The following CCDC18 variants were observed in gnomAD, a reference collection of about 807,000 sequenced individuals.
CCDC18 encodes the protein coiled-coil domain-containing protein 18.
In CCDC18, 157 loss-of-function variants were observed where a neutral mutation model predicts 196.0. The observed-to-expected ratio is 0.80, with a 90% CI of 0.70 to 0.91. The LOEUF (loss-of-function observed/expected upper bound fraction) is 0.91. CCDC18 is among the 40% of genes least tolerant of loss of function. The pLI is 0.00. For missense variants in CCDC18, 1,465 were observed against 1,611.6 expected, an observed-to-expected ratio of 0.91 and a Z score of 1.56; for synonymous variants, 482 against 529.2, an observed-to-expected ratio of 0.91 and a Z score of 1.22.
In CCDC18 at chr1:93,278,705, T is replaced by A. The variant is rs1052491018; in HGVS notation, c.*228T>A. The A allele has an allele frequency of 2.1e-5, 7 of 334,628 alleles. No individual in the cohort carries two copies. Among genetic ancestry groups the A allele is most frequent in the African/African-American group, 1.5e-4 (7 of 47,042 alleles). 20.7% of individuals were successfully genotyped at this position (334,628 alleles called of 1,614,324 possible). A position where few individuals can be genotyped will look rare whatever the true frequency, so the allele number is the denominator to read the frequency against. On this transcript the variant is annotated 3_prime_UTR_variant, in exon 29 of 29. Coordinates refer to ENST00000690025, the MANE Select transcript of CCDC18 (RefSeq NM_001378204.1). ...AAACTTGCTGCTTTCTTTTGCTTTT[T>A]ATATAAAAATCATTGTTAAAATGCA...
chr1:93,265,728 C>A (rs777704569), intron 27 of CCDC18, among the ~76,000 whole-genome samples: 3 of 152,130 alleles, frequency 2.0e-5, no homozygotes, highest in African/African-American at 7.2e-5. Context: ...GGGATCAATT[C>A]AACAAGAAGA....
chr1:93,208,668 A>AT (rs1307298470), intron 9 of CCDC18, among the ~76,000 whole-genome samples: 21 of 146,404 alleles, frequency 1.4e-4, no homozygotes, highest in Non-Finnish European at 3.0e-4. Context: ...TAGAACTTAA[A>AT]ATTTTTTTTC....
At chr1:93,186,312 T>C in intron 3 of CCDC18, 33 bp from the exon 4 acceptor site, 1 of 1,580,722 alleles carries the variant, frequency 6.3e-7, no homozygotes, top group South Asian at 1.2e-5. Flanking sequence ...TTGAAATAAT[T>C]GAAAATATAT....
chr1:93,186,645 G>A, intron 4 of CCDC18, 142 bp downstream of exon 4: 1 of 576,002 alleles, frequency 1.7e-6, no homozygotes, highest in Non-Finnish European at 2.9e-6. Flanking sequence ...GTATCAACAT[G>A]TTGTAAAATC....
At position 93,205,586 on chromosome 1, in the gene CCDC18, G is replaced by A. The variant is rs778178515; in HGVS notation, c.872G>A (p.Cys291Tyr). Residue 291 changes from cysteine to tyrosine, a missense_variant, in exon 8 of 29, where the codon TGT (cysteine) becomes TAT (tyrosine). Transcript: ENST00000690025. ...GAAAATAAAAGGCTACAAGAAAGGT[G>A]TGGTCTATATAAAAGTGAACTTGAA... Reference protein sequence around the residue: ...EKENKRLQERCGLYKSELEIL... With the variant: ...EKENKRLQERYGLYKSELEIL... 6.3e-7 allele frequency: 1 copy of A among 1,598,218 alleles called. No homozygotes were observed. Among genetic ancestry groups the A allele is most frequent in the South Asian group, 1.1e-5 (1 of 89,934 alleles).
chr1:93,245,461 A>C (rs2100930036), intron 21 of CCDC18, among the ~76,000 whole-genome samples: 1 of 152,304 alleles, frequency 6.6e-6, no homozygotes, highest in Non-Finnish European at 1.5e-5. Context: ...TTTCAAGATC[A>C]ACATTTTCAA....
intron 23 of CCDC18, among the ~76,000 whole-genome samples, chr1:93,252,486 TTC>T (rs996460860): frequency 2.0e-5 from 3 of 152,252 alleles, no homozygotes; most frequent in Admixed American, 6.5e-5. Flanking sequence ...AATTATTTTA[TTC>T]TCTGTTAAGT....
intron 9 of CCDC18, 36 bp from the exon 10 acceptor site, chr1:93,210,766 A>G (rs1338850395): frequency 5.3e-6 from 8 of 1,499,430 alleles, no homozygotes; most frequent in Non-Finnish European, 7.3e-6. Context: ...CATCTCATTT[A>G]CATAAGTTTA....
intron 4 of CCDC18, among the ~76,000 whole-genome samples, chr1:93,187,400 C>T (rs1385821038): frequency 6.6e-6 from 1 of 151,762 alleles, no homozygotes; most frequent in Non-Finnish European, 1.5e-5. Context: ...ATGTATAATA[C>T]TCTTAGTTTT....
At chr1:93,186,172 A>G (rs1488962925) in intron 3 of CCDC18, among the ~76,000 whole-genome samples, 173 bp from the exon 4 acceptor site, 2 of 151,974 alleles carry the variant, frequency 1.3e-5, no homozygotes, top group East Asian at 3.8e-4. Context: ...CCAGCAGTGG[A>G]AGAGAGAGTA....
At chr1:93,191,436 A>G (rs896432650) in intron 4 of CCDC18, among the ~76,000 whole-genome samples, 2 of 152,126 alleles carry the variant, frequency 1.3e-5, no homozygotes, top group East Asian at 3.8e-4. Flanking sequence ...TGCCCTCTAC[A>G]GTACCTTGTG....
intron 6 of CCDC18, among the ~76,000 whole-genome samples, chr1:93,197,820 C>T (rs1278047306): frequency 3.0e-5 from 4 of 134,282 alleles, no homozygotes; most frequent in South Asian, 2.4e-4. Flanking sequence ...GGCGCGATCT[C>T]GGCTCACTGC....
intron 14 of CCDC18, among the ~76,000 whole-genome samples, chr1:93,218,433 C>T (rs905939503): frequency 6.6e-6 from 1 of 151,836 alleles, no homozygotes; most frequent in Non-Finnish European, 1.5e-5. Context: ...CCAATTGTAA[C>T]AAAATACTGT....
intron 17 of CCDC18, among the ~76,000 whole-genome samples, chr1:93,231,327 AC>A (rs1173535748): frequency 1.4e-4 from 21 of 152,206 alleles, no homozygotes; most frequent in Non-Finnish European, 2.6e-4. Flanking sequence ...ACATTTACCT[AC>A]AGCCCATTCT....
At chr1:93,254,692 T>C in intron 24 of CCDC18, 78 bp downstream of exon 24, 1 of 1,360,112 alleles carries the variant, frequency 7.4e-7, no homozygotes, top group South Asian at 1.3e-5. Context: ...TTAAACTGGT[T>C]GGTTTTAATA....
intron 24 of CCDC18, 132 bp from the exon 25 acceptor site, chr1:93,256,203 T>A: frequency 4.2e-6 from 3 of 718,380 alleles, no homozygotes; most frequent in Non-Finnish European, 6.9e-6. Context: ...GTATGTTAAA[T>A]TTTAACATAC....
intron 6 of CCDC18, among the ~76,000 whole-genome samples, chr1:93,194,238 A>G (rs1652334225): frequency 6.6e-6 from 1 of 152,192 alleles, no homozygotes; most frequent in African/African-American, 2.4e-5. Flanking sequence ...TATAAATTAT[A>G]TCTTGAGATC....
upstream of CCDC18, chr1:93,180,537 T>TC: frequency 1.3e-6 from 2 of 1,507,128 alleles, no homozygotes; most frequent in Admixed American, 1.9e-5. Context: ...TCCCATGGCT[T>TC]CCCCCACCAA....
intron 27 of CCDC18, among the ~76,000 whole-genome samples, chr1:93,268,947 A>G (rs1664906853): frequency 6.6e-6 from 1 of 152,148 alleles, no homozygotes; most frequent in South Asian, 2.1e-4. Context: ...AAGTACTATA[A>G]ATCATGCTGC....
Sources: allele counts gnomAD v4.1 joint callset (sites outside exome capture counted in the v4.1 genomes callset), GRCh38; gene constraint gnomAD v4.1.1; transcripts MANE v1.5; gene names NCBI Gene and HGNC (gene_info 2026-07-23, HGNC 2026-07-21).